The following ZBTB49 variants were observed in gnomAD, a reference collection of about 807,000 sequenced individuals.
ZBTB49 encodes the protein zinc finger and BTB domain-containing protein 49.
Under a neutral mutation model 57.5 loss-of-function variants are expected in ZBTB49, and 43 were observed. That is an observed-to-expected ratio of 0.75 (90% CI 0.59 to 0.97). The LOEUF (loss-of-function observed/expected upper bound fraction) is 0.97, where lower values mean the gene tolerates loss of function less well. Among genes scored for constraint, ZBTB49 ranks in the 50% least tolerant of loss-of-function variants. The pLI, the probability that ZBTB49 is intolerant of heterozygous loss-of-function variation, is 0.00. For synonymous variants in ZBTB49, 369 were observed against 362.1 expected (o/e 1.02, Z -0.22); for missense variants, 938 against 947.7 (o/e 0.99, Z 0.13).
At chr4:4,310,337 A>G (rs1455726402) in intron 4 of ZBTB49, among the ~76,000 whole-genome samples, 1 of 152,174 alleles carries the variant, frequency 6.6e-6, no homozygotes, top group Non-Finnish European at 1.5e-5. Flanking sequence ...TTTATGACCC[A>G]AGGCTGGTTA....
intron 5 of ZBTB49, 120 bp downstream of exon 5, chr4:4,313,234 A>C (rs1268429048): frequency 1.0e-6 from 1 of 972,216 alleles, no homozygotes; most frequent in East Asian, 2.6e-5. Context: ...TCACCCTGCC[A>C]CTGCAGAACA....
At position 4,302,300 on chromosome 4, in the gene ZBTB49, A is replaced by G. The variant is rs1224111874; in HGVS notation, c.464A>G (p.His155Arg). The G allele has an allele frequency of 5.0e-6, 8 of 1,614,064 alleles. No individual in the cohort carries two copies. The Admixed American group carries it at 1.0e-4, about 20-fold the overall frequency. Reference sequence around the variant, plus strand: ...GTTATCAGTGAAAACTACCCCCCTCATTTACTGCAGGAATGTTCAGCAGAT... The same window carrying G: ...GTTATCAGTGAAAACTACCCCCCTCGTTTACTGCAGGAATGTTCAGCAGAT... Reference protein sequence around the residue: ...TCVISENYPPHLLQECSADAQ... With the variant: ...TCVISENYPPRLLQECSADAQ... Residue 155 changes from histidine (H) to arginine (R), a missense_variant, in exon 3 of 8, where the codon CAT becomes CGT. Coordinates refer to ENST00000337872, the MANE Select transcript of ZBTB49 (RefSeq NM_145291.4).
At chr4:4,293,202 A>G (rs376939749) in intron 1 of ZBTB49, among the ~76,000 whole-genome samples, 1 of 152,088 alleles carries the variant, frequency 6.6e-6, no homozygotes, top group South Asian at 2.1e-4. Context: ...AATAAGACAG[A>G]TGGAGTCCAT....
chr4:4,299,468 G>A (rs560902584), intron 1 of ZBTB49, among the ~76,000 whole-genome samples: 1 of 152,210 alleles, frequency 6.6e-6, no homozygotes, highest in South Asian at 2.1e-4. Flanking sequence ...ATCTTAACCA[G>A]CTGGCTTTTC....
chr4:4,302,063 G>C lies in ZBTB49; in HGVS notation c.227G>C (p.Gly76Ala). 1 of 1,612,564 alleles carries C rather than the reference G, an allele frequency of 6.2e-7. No homozygotes were observed. The highest frequency in any genetic ancestry group is 8.5e-7 in the Non-Finnish European group (1 of 1,179,048). ...HLDVKNVSGI[G>A]QILDFMYTSH... ...GATGTTAAAAATGTCAGTGGCATAG[G>C]GCAGATCCTGGACTTCATGTACACT... is the stretch of plus-strand genomic sequence containing the variant. The change falls in exon 3 of 8, where the codon GGG becomes GCG. Residue 76 changes from glycine (G) to alanine (A), a missense_variant. Transcript: ENST00000337872.
chr4:4,299,881 T>G, intron 1 of ZBTB49, 46 bp from the exon 2 acceptor site: 8 of 1,577,894 alleles, frequency 5.1e-6, no homozygotes, highest in Non-Finnish European at 6.9e-6. Context: ...TAGTTTCCAG[T>G]GAGGTCCTTA....
chr4:4,299,971 G>A lies in ZBTB49; in HGVS notation c.26G>A (p.Cys9Tyr), dbSNP rs904262853. MDPVATHS[C>Y]HLLQQLHEQR... is the part of the protein sequence containing the mutation. ...ATGGACCCTGTTGCTACCCACAGCT[G>A]CCATCTGCTCCAGCAACTGCATGAG... The change falls in exon 2 of 8, where the codon TGC becomes TAC. Residue 9 changes from cysteine (C) to tyrosine (Y), a missense_variant. This residue lies in a region of ZBTB49 where 100 missense variants were observed against 112.5 expected (regional missense o/e 0.89). Coordinates refer to ENST00000337872, the MANE Select transcript of ZBTB49 (RefSeq NM_145291.4). 6.2e-7 allele frequency: 1 copy of A among 1,614,162 alleles called. No individual in the cohort carries two copies. Among genetic ancestry groups the A allele is most frequent in the South Asian group, 1.1e-5 (1 of 91,084 alleles).
chr4:4,299,648 C>T (rs182963829), intron 1 of ZBTB49, among the ~76,000 whole-genome samples: 1 of 152,256 alleles, frequency 6.6e-6, no homozygotes, highest in Non-Finnish European at 1.5e-5. Flanking sequence ...ATCCCTCAGC[C>T]ACATTTCAAG....
intron 3 of ZBTB49, among the ~76,000 whole-genome samples, chr4:4,303,376 A>T (rs1395041410): frequency 6.6e-6 from 1 of 152,256 alleles, no homozygotes; most frequent in East Asian, 1.9e-4. Flanking sequence ...TAAAGAAAGT[A>T]TAGTAATTTT....
At chr4:4,317,421 A>G (rs1311587188) in intron 7 of ZBTB49, among the ~76,000 whole-genome samples, 1 of 152,170 alleles carries the variant, frequency 6.6e-6, no homozygotes, top group Non-Finnish European at 1.5e-5. Flanking sequence ...ATAATTCTCA[A>G]CACAATCTAA....
intron 1 of ZBTB49, among the ~76,000 whole-genome samples, chr4:4,294,460 G>A (rs1720092053): frequency 6.6e-6 from 1 of 152,174 alleles, no homozygotes; most frequent in Non-Finnish European, 1.5e-5. Context: ...GGGTTCAAGC[G>A]ATTCTCCTGC....
At chr4:4,300,166 C>T (rs1201479736) in intron 2 of ZBTB49, 69 bp downstream of exon 2, 3 of 1,529,552 alleles carry the variant, frequency 2.0e-6, no homozygotes, top group Admixed American at 3.7e-5. Flanking sequence ...TGGAAGTATT[C>T]ATATTTTGTT....
chr4:4,299,810 T>TGTGTGTGTGAGA lies in ZBTB49; in HGVS notation c.-19-116_-19-115insTGTGTGTGAGAG, dbSNP rs71169632. 2.6e-5 allele frequency: 16 copies of TGTGTGTGTGAGA among 607,786 alleles called. No homozygotes were observed. The African/African-American group carries it at 2.7e-4, about 10-fold the overall frequency. The allele number at this position is 607,786 out of a possible 1,614,324, so 37.6% of individuals were successfully genotyped here. On this transcript the variant is annotated intron_variant, in intron 1 of 7. Coordinates refer to ENST00000337872, the MANE Select transcript of ZBTB49 (RefSeq NM_145291.4). The stretch of plus-strand genomic sequence containing the variant: ...GTGTGTGTGTGTGTGTGTGTGTGTG[T>TGTGTGTGTGAGA]GAGAGAGAAACTGTGATGAGAGAGT...
At chr4:4,318,464 A>G (rs978304314) in intron 7 of ZBTB49, among the ~76,000 whole-genome samples, 3 of 152,072 alleles carry the variant, frequency 2.0e-5, no homozygotes, top group African/African-American at 7.2e-5. Flanking sequence ...AAAAATACCA[A>G]AATTAGCTGG....
chr4:4,303,760 C>CTCTCTCTCTCTCTCTTTGTGTGTGTG (rs1223289249), intron 3 of ZBTB49, among the ~76,000 whole-genome samples: 1 of 121,324 alleles, frequency 8.2e-6, no homozygotes, highest in African/African-American at 3.3e-5. Flanking sequence ...CTCTCTCTCT[C>CTCTCTCTCTCTCTCTTTGTGTGTGTG]TGTGTGTGTG....
chr4:4,309,537 T>G (rs1720890494), intron 4 of ZBTB49, among the ~76,000 whole-genome samples: 1 of 152,196 alleles, frequency 6.6e-6, no homozygotes, highest in African/African-American at 2.4e-5. Context: ...TAGGATTGCT[T>G]TTGTTCCTCC....
At chr4:4,313,155 T>A in intron 5 of ZBTB49, 41 bp downstream of exon 5, 1 of 1,611,054 alleles carries the variant, frequency 6.2e-7, no homozygotes, top group South Asian at 1.1e-5. Flanking sequence ...AGGGAGCATG[T>A]CTAGTCTCAG....
In ZBTB49 at chr4:4,320,682, G is replaced by A. The variant is rs760474641; in HGVS notation, c.1664G>A (p.Arg555His). The A allele has an allele frequency of 6.2e-6, 10 of 1,613,988 alleles. No homozygotes were observed. In the African/African-American group the frequency reaches 6.7e-5, roughly 11 times the overall value. ...GGSGDLRRHV[R>H]THTGEKPYTC... ...TCAGGTGACCTCCGCAGGCATGTCC[G>A]CACTCACACTGGGGAGAAGCCGTAC... is the stretch of plus-strand genomic sequence containing the variant. The change falls in exon 8 of 8, where the codon CGC becomes CAC. Residue 555 changes from arginine (R) to histidine (H), a missense_variant. Physicochemically the swap from Arg to His is conservative, Grantham distance 29. Transcript: ENST00000337872.
chr4:4,303,756 C>CTGTGTGTGTG (rs536603082), intron 3 of ZBTB49, among the ~76,000 whole-genome samples: 10 of 93,508 alleles, frequency 1.1e-4, no homozygotes, highest in African/African-American at 4.1e-4. Context: ...CTCTCTCTCT[C>CTGTGTGTGTG]TCTCTGTGTG....
Sources: allele counts gnomAD v4.1 joint callset (sites outside exome capture counted in the v4.1 genomes callset), GRCh38; gene constraint gnomAD v4.1.1; regional missense constraint gnomAD v4.1.1; transcripts MANE v1.5; gene names NCBI Gene and HGNC (gene_info 2026-07-23, HGNC 2026-07-21).